IMMP2L: variants seen among roughly 807,000 people sequenced by gnomAD.
IMMP2L encodes the protein mitochondrial inner membrane protease subunit 2.
In IMMP2L, 18 loss-of-function variants were observed where a neutral mutation model predicts 19.3. The observed-to-expected ratio is 0.93, with a 90% CI of 0.64 to 1.38. The LOEUF (loss-of-function observed/expected upper bound fraction) is 1.38. IMMP2L is among the 40% of genes most tolerant of loss of function. The probability of loss-of-function intolerance (pLI) is 0.00; values close to 1 mark genes in which losing one functional copy is unlikely to be tolerated. For synonymous variants in IMMP2L, 76 were observed against 73.0 expected, an observed-to-expected ratio of 1.04 and a Z score of -0.21; for missense variants, 233 against 218.2, an observed-to-expected ratio of 1.07 and a Z score of -0.43.
At chr7:111,555,996 G>T (rs1791251366) in intron 1 of IMMP2L, among the ~76,000 whole-genome samples, 1 of 102,346 alleles carries the variant, frequency 9.8e-6, no homozygotes, top group African/African-American at 3.2e-5. Context: ...GTACCAATTA[G>T]CCATCCCTCT....
At chr7:110,922,553 C>G (rs753929193) in intron 4 of IMMP2L, among the ~76,000 whole-genome samples, 3 of 152,016 alleles carry the variant, frequency 2.0e-5, no homozygotes, top group Admixed American at 6.6e-5. Context: ...TCCTCATGAA[C>G]GGATTTTAAA....
At position 110,832,070 on chromosome 7, in the gene IMMP2L, T is replaced by A. The variant is rs529965770; in HGVS notation, c.408+54523A>T. On this transcript the variant is annotated intron_variant, in intron 5 of 5. Transcript: ENST00000405709. ...CGAGGTCAGGAGATCAAGACTACCCTGGCCAACGTGGTGAAACCTCGTCTC... is the reference window on the plus strand; with the variant it reads ...CGAGGTCAGGAGATCAAGACTACCCAGGCCAACGTGGTGAAACCTCGTCTC... Among the ~76,000 whole-genome samples, 13 of 152,270 alleles carry A rather than the reference T, an allele frequency of 8.5e-5. No homozygotes were observed. The East Asian group carries it at 9.7e-4, about 11-fold the overall frequency.
intron 5 of IMMP2L, among the ~76,000 whole-genome samples, chr7:110,696,284 A>G (rs893023677): frequency 6.6e-6 from 1 of 152,176 alleles, no homozygotes. Flanking sequence ...AGTGAGTGAC[A>G]TGAGATTTGC....
chr7:110,693,397 T>C (rs1227531097), intron 5 of IMMP2L, among the ~76,000 whole-genome samples: 2 of 152,214 alleles, frequency 1.3e-5, no homozygotes, highest in Non-Finnish European at 2.9e-5. Flanking sequence ...GTCCTCCACA[T>C]TTAAAATAGT....
At chr7:110,749,403 C>G (rs941722174) in intron 5 of IMMP2L, among the ~76,000 whole-genome samples, 7 of 151,946 alleles carry the variant, frequency 4.6e-5, no homozygotes, top group Admixed American at 2.0e-4. Context: ...GGGTATATAC[C>G]CAAAGGACTA....
At chr7:111,030,548 T>G (rs563735127) in intron 3 of IMMP2L, among the ~76,000 whole-genome samples, 1 of 152,258 alleles carries the variant, frequency 6.6e-6, no homozygotes, top group South Asian at 2.1e-4. Flanking sequence ...TGACTGTGAT[T>G]AAAGATTTAG....
chr7:110,784,699 C>A (rs1056678220), intron 5 of IMMP2L, among the ~76,000 whole-genome samples: 1 of 151,896 alleles, frequency 6.6e-6, no homozygotes, highest in African/African-American at 2.4e-5. Context: ...CTTAGCTGCA[C>A]ATTGAAATCA....
chr7:110,860,262 A>T lies in IMMP2L; in HGVS notation c.408+26331T>A, dbSNP rs535710564. On this transcript the variant is annotated intron_variant, in intron 5 of 5. Transcript: ENST00000405709. The stretch of plus-strand genomic sequence containing the variant: ...CTTATAAATAGCAAATTTTTCATTT[A>T]TCCTAAGATTTAAAAAATATTTCAG... 1.7e-3 allele frequency among the ~76,000 whole-genome samples: 264 copies of T among 152,262 alleles called. 2 individuals carry two copies. The highest frequency in any genetic ancestry group is 4.6e-3 in the South Asian group (22 of 4,830).
At chr7:111,331,897 G>T (rs1028140636) in intron 3 of IMMP2L, among the ~76,000 whole-genome samples, 9 of 151,792 alleles carry the variant, frequency 5.9e-5, no homozygotes, top group Admixed American at 5.9e-4. Flanking sequence ...ACTAGAAGAT[G>T]ACCTTAACCC....
intron 4 of IMMP2L, among the ~76,000 whole-genome samples, chr7:110,951,549 G>C (rs969598184): frequency 6.6e-6 from 1 of 151,708 alleles, no homozygotes; most frequent in Admixed American, 6.6e-5. Context: ...GTGTGTGTGT[G>C]TGTGTGTGTG....
intron 3 of IMMP2L, among the ~76,000 whole-genome samples, chr7:111,468,803 G>T (rs934217286): frequency 3.3e-5 from 5 of 152,120 alleles, no homozygotes; most frequent in African/African-American, 1.2e-4. Context: ...AAGACTCTGT[G>T]TCTAACTGGA....
chr7:111,175,845 A>G (rs1007517986), intron 3 of IMMP2L, among the ~76,000 whole-genome samples: 1 of 151,996 alleles, frequency 6.6e-6, no homozygotes, highest in Admixed American at 6.6e-5. Context: ...CAGACATCCC[A>G]CAGGATGGGA....
rs763873752 is a variant in IMMP2L, at chr7:111,181,495, G to A, written c.240-217930C>T. Among the ~76,000 whole-genome samples, 197 of 152,060 alleles carry A rather than the reference G, an allele frequency of 1.3e-3. 3 individuals are homozygous for A. Among genetic ancestry groups the A allele is most frequent in the Non-Finnish European group, 1.2e-3 (79 of 67,942 alleles). Reference sequence around the variant, plus strand: ...ATAATTTAACAAATGGGTAAATCCTGTATTTGAGCACCCAGCTTGATGGAG... The same window carrying A: ...ATAATTTAACAAATGGGTAAATCCTATATTTGAGCACCCAGCTTGATGGAG... On this transcript the variant is annotated intron_variant, in intron 3 of 5. Transcript: ENST00000405709.
At chr7:111,503,411 T>C (rs986189596) in intron 2 of IMMP2L, among the ~76,000 whole-genome samples, 4 of 152,124 alleles carry the variant, frequency 2.6e-5, no homozygotes, top group Admixed American at 2.6e-4. Flanking sequence ...GCTGGTACCA[T>C]TCCTTCTGAA....
chr7:110,901,697 A>G (rs1161668646), intron 4 of IMMP2L, among the ~76,000 whole-genome samples: 1 of 152,226 alleles, frequency 6.6e-6, no homozygotes, highest in Non-Finnish European at 1.5e-5. Context: ...ATTGCATATA[A>G]GTAATATTAT....
chr7:111,025,443 A>C (rs1052390545), intron 3 of IMMP2L, among the ~76,000 whole-genome samples: 3 of 152,250 alleles, frequency 2.0e-5, no homozygotes, highest in Non-Finnish European at 4.4e-5. Context: ...TCCTGAAAGC[A>C]TAAAGATTAC....
At chr7:111,201,908 A>G (rs1810179868) in intron 3 of IMMP2L, among the ~76,000 whole-genome samples, 1 of 152,166 alleles carries the variant, frequency 6.6e-6, no homozygotes, top group Non-Finnish European at 1.5e-5. Flanking sequence ...GAAACTGAAT[A>G]TACTGGCATC....
chr7:111,019,132 A>G (rs2129565985), intron 3 of IMMP2L, among the ~76,000 whole-genome samples: 1 of 152,262 alleles, frequency 6.6e-6, no homozygotes, highest in Non-Finnish European at 1.5e-5. Flanking sequence ...CATAGTGTAA[A>G]CAGTCAATAA....
At chr7:110,888,366 A>G (rs2129545733) in intron 4 of IMMP2L, among the ~76,000 whole-genome samples, 1 of 152,280 alleles carries the variant, frequency 6.6e-6, no homozygotes, top group South Asian at 2.1e-4. Flanking sequence ...CTTTTACTTA[A>G]TTGTTGGCAA....
Sources: gnomAD v4.1 joint callset for allele counts (sites outside exome capture counted in the v4.1 genomes callset) on GRCh38, gnomAD v4.1.1 for gene constraint, MANE v1.5 for transcripts, NCBI Gene and HGNC (gene_info 2026-07-23, HGNC 2026-07-21) for gene names.